Variants in RASGRF2 observed in about 807,000 individuals in gnomAD.
RASGRF2 encodes Ras protein specific guanine nucleotide releasing factor 2.
RASGRF2 carries 76 observed loss-of-function variants against 151.0 expected under a neutral mutation model. The ratio of observed to expected loss-of-function variants is 0.50; its 90% CI spans 0.42 to 0.61. The LOEUF (loss-of-function observed/expected upper bound fraction) is 0.61, where lower values mean the gene tolerates loss of function less well. RASGRF2 is among the 20% of genes least tolerant of loss of function. RASGRF2 has a pLI of 0.00. For missense variants in RASGRF2, 1,148 were observed against 1,564.6 expected (o/e 0.73, Z 4.49); for synonymous variants, 504 against 566.5 (o/e 0.89, Z 1.57).
intron 18 of RASGRF2, among the ~76,000 whole-genome samples, chr5:81,182,909 C>T (rs149522645): frequency 2.6e-5 from 4 of 152,316 alleles, no homozygotes; most frequent in African/African-American, 9.6e-5. Flanking sequence ...GGTCTGAAAA[C>T]GTGTGCTATA....
chr5:81,004,427 T>A (rs756824378), intron 1 of RASGRF2, among the ~76,000 whole-genome samples: 7 of 152,206 alleles, frequency 4.6e-5, no homozygotes, highest in African/African-American at 7.2e-5. Context: ...TACTTATCAA[T>A]GAGTTCACGG....
intron 19 of RASGRF2, among the ~76,000 whole-genome samples, chr5:81,203,193 T>C (rs1755435275): frequency 6.6e-6 from 1 of 152,254 alleles, no homozygotes; most frequent in Admixed American, 6.5e-5. Context: ...TCTTCATAAC[T>C]AGTTTGTTAT....
At chr5:81,010,173 G>A (rs1315480897) in intron 1 of RASGRF2, among the ~76,000 whole-genome samples, 1 of 151,082 alleles carries the variant, frequency 6.6e-6, no homozygotes, top group Non-Finnish European at 1.5e-5. Flanking sequence ...AAAAGAAAAA[G>A]AAAATAGATT....
Position 81,113,706 on chromosome 5 carries a change from C to T in RASGRF2, c.2256C>T (p.Asn752=), listed in dbSNP as rs770588026. The T allele has an allele frequency of 1.5e-5, 25 of 1,613,280 alleles. No homozygotes were observed. Among genetic ancestry groups the T allele is most frequent in the African/African-American group, 4.0e-5 (3 of 74,886 alleles). The change falls in exon 15 of 27, where the codon AAC becomes AAT. Residue 752 remains asparagine (N), a synonymous_variant. Coordinates refer to ENST00000265080, the MANE Select transcript of RASGRF2 (RefSeq NM_006909.3). ...ARKLSLTSPL[N]SKIGALDLTT... is the part of the protein sequence containing the mutation. ...AGCTGTCTTTGACTTCTCCCTTGAA[C>T]TCAAAGATAGGAGCATTGGACCTGA...
chr5:80,964,077 T>A (rs1747648474), intron 1 of RASGRF2, among the ~76,000 whole-genome samples: 1 of 151,970 alleles, frequency 6.6e-6, no homozygotes, highest in Non-Finnish European at 1.5e-5. Context: ...CCAAATATGC[T>A]TAGATTGTAG....
At chr5:81,194,042 T>C (rs1199261701) in intron 18 of RASGRF2, among the ~76,000 whole-genome samples, 1 of 151,994 alleles carries the variant, frequency 6.6e-6, no homozygotes, top group African/African-American at 2.4e-5. Flanking sequence ...TTAAATGAGA[T>C]AATAAAGTAG....
chr5:81,177,607 A>C (rs973474677), intron 17 of RASGRF2, among the ~76,000 whole-genome samples: 2 of 150,818 alleles, frequency 1.3e-5, no homozygotes, highest in African/African-American at 4.9e-5. Context: ...CAGTAAGATC[A>C]TACTAGATCC....
intron 17 of RASGRF2, among the ~76,000 whole-genome samples, chr5:81,146,333 A>G (rs908616930): frequency 9.9e-5 from 15 of 152,122 alleles, no homozygotes; most frequent in African/African-American, 3.6e-4. Flanking sequence ...TTAAATTGCA[A>G]TTATCATTTG....
At chr5:81,103,424 G>A (rs1222014100) in intron 12 of RASGRF2, among the ~76,000 whole-genome samples, 1 of 151,978 alleles carries the variant, frequency 6.6e-6, no homozygotes, top group East Asian at 1.9e-4. Flanking sequence ...GAGGGTTAAA[G>A]AGATGGCAAA....
At position 81,068,114 on chromosome 5, in the gene RASGRF2, G is replaced by A. The variant is rs1580276061; in HGVS notation, c.478G>A (p.Ala160Thr). ...TCAGATCGTAGAGACAGAAAAAATT[G>A]CAGCTAACCAACTCCGACATCAACT... is the stretch of plus-strand genomic sequence containing the variant. The part of the protein sequence containing the change: ...LVQIVETEKI[A>T]ANQLRHQLED... Residue 160 changes from alanine (A) to threonine (T), a missense_variant, in exon 3 of 27, where the codon GCA becomes ACA. By Grantham distance (58) the Ala-to-Thr change is moderately conservative. This residue lies in a region of RASGRF2 where 221 missense variants were observed against 271.3 expected (regional missense o/e 0.81). Coordinates refer to ENST00000265080, the MANE Select transcript of RASGRF2 (RefSeq NM_006909.3). The A allele has an allele frequency of 1.9e-6, 3 of 1,613,940 alleles. No homozygotes were observed. The highest frequency in any genetic ancestry group is 2.5e-6 in the Non-Finnish European group (3 of 1,179,902).
At chr5:81,036,847 T>G (rs1336295832) in intron 1 of RASGRF2, among the ~76,000 whole-genome samples, 1 of 152,188 alleles carries the variant, frequency 6.6e-6, no homozygotes, top group Non-Finnish European at 1.5e-5. Context: ...TTAATCCCTT[T>G]ATTTGCAAAA....
At chr5:81,039,239 T>C (rs1201411199) in intron 1 of RASGRF2, among the ~76,000 whole-genome samples, 1 of 152,156 alleles carries the variant, frequency 6.6e-6, no homozygotes, top group Non-Finnish European at 1.5e-5. Context: ...TTTTTCCAAC[T>C]TTCTGATAGG....
At position 81,018,802 on chromosome 5, in the gene RASGRF2, CTT is replaced by C. The variant is rs35247915; in HGVS notation, c.289-24058_289-24057del. On this transcript the variant is annotated intron_variant, in intron 1 of 26. Transcript: ENST00000265080. ...TGCTGTCTGGTTTTGTCCATCTGCA[CTT>C]TTTTTTTTTTTTTTTTGAGACAGAG... is the stretch of plus-strand genomic sequence containing the variant. 2.2e-3 allele frequency among the ~76,000 whole-genome samples: 276 copies of C among 126,990 alleles called. 1 individual carries two copies. The highest frequency in any genetic ancestry group is 5.8e-3 in the African/African-American group (193 of 33,074). 83.3% of individuals were successfully genotyped at this position (126,990 alleles called of 152,430 possible). A position where few individuals can be genotyped will look rare whatever the true frequency, so the allele number is the denominator to read the frequency against.
At chr5:80,983,632 C>A (rs1748384085) in intron 1 of RASGRF2, among the ~76,000 whole-genome samples, 1 of 152,244 alleles carries the variant, frequency 6.6e-6, no homozygotes, top group Non-Finnish European at 1.5e-5. Context: ...TTGCCAACCT[C>A]TGCTTTACAT....
At position 81,225,874 on chromosome 5, in the gene RASGRF2, T is replaced by C; in HGVS notation, c.*104T>C. ...CGGTACAGCACGAAGCCAGGCTCCTTTCTCCACCAAAGAAGATGGAACCAG... is the reference window on the plus strand; with the variant it reads ...CGGTACAGCACGAAGCCAGGCTCCTCTCTCCACCAAAGAAGATGGAACCAG... On this transcript the variant is annotated 3_prime_UTR_variant, in exon 27 of 27. Coordinates refer to ENST00000265080, the MANE Select transcript of RASGRF2 (RefSeq NM_006909.3). 8.2e-7 allele frequency: 1 copy of C among 1,220,310 alleles called. No homozygotes were observed. The highest frequency in any genetic ancestry group is 1.1e-6 in the Non-Finnish European group (1 of 911,834). 75.6% of individuals were successfully genotyped at this position (1,220,310 alleles called of 1,614,324 possible).
At chr5:81,122,849 T>A (rs1315712889) in intron 15 of RASGRF2, among the ~76,000 whole-genome samples, 1 of 152,144 alleles carries the variant, frequency 6.6e-6, no homozygotes, top group Non-Finnish European at 1.5e-5. Context: ...GACCCTAAAA[T>A]GATGTGTGTG....
chr5:80,982,821 C>G (rs561401761), intron 1 of RASGRF2, among the ~76,000 whole-genome samples: 6 of 151,904 alleles, frequency 3.9e-5, no homozygotes, highest in African/African-American at 9.7e-5. Flanking sequence ...AGGATGGTCT[C>G]GATCTCCTGA....
rs767281777 is a variant in RASGRF2 at position 81,073,339 on chromosome 5, C to T, written c.774C>T (p.Tyr258=). 42 of 1,614,010 alleles carry T rather than the reference C, an allele frequency of 2.6e-5. No homozygotes were observed. In the Middle Eastern group the frequency reaches 1.3e-3, roughly 51 times the overall value. ...VFTMVEAESE[Y]VHQLYILVNG... The stretch of plus-strand genomic sequence containing the variant: ...CCATGGTGGAGGCAGAGTCAGAGTA[C>T]GTTCACCAGCTCTACATCCTGGTCA... Residue 258 remains tyrosine (Y), a synonymous_variant, in exon 5 of 27, where the codon TAC becomes TAT. Transcript: ENST00000265080.
chr5:81,188,960 T>A (rs1341371358), intron 18 of RASGRF2, among the ~76,000 whole-genome samples: 2 of 152,260 alleles, frequency 1.3e-5, no homozygotes, highest in African/African-American at 4.8e-5. Context: ...GAATAGCACA[T>A]GTCAACACTG....
Sources: allele counts gnomAD v4.1 joint callset (sites outside exome capture counted in the v4.1 genomes callset), GRCh38; gene constraint gnomAD v4.1.1; regional missense constraint gnomAD v4.1.1; transcripts MANE v1.5; gene names NCBI Gene and HGNC (gene_info 2026-07-23, HGNC 2026-07-21).